The following PHACTR4 variants were observed in gnomAD, a reference collection of about 807,000 sequenced individuals.
PHACTR4 encodes protein phosphatase 1, regulatory subunit 124.
In PHACTR4, 51 loss-of-function variants were observed where a neutral mutation model predicts 72.7. The ratio of observed to expected loss-of-function variants is 0.70; its 90% CI spans 0.56 to 0.89. The LOEUF (loss-of-function observed/expected upper bound fraction) is 0.89, where lower values mean the gene tolerates loss of function less well. PHACTR4 is among the 40% of genes least tolerant of loss of function. PHACTR4 has a pLI of 0.00. For synonymous variants in PHACTR4, 255 were observed against 302.5 expected, an observed-to-expected ratio of 0.84 and a Z score of 1.63; for missense variants, 731 against 861.8, an observed-to-expected ratio of 0.85 and a Z score of 1.90.
intron 2 of PHACTR4, among the ~76,000 whole-genome samples, chr1:28,408,322 G>A (rs1264632038): frequency 6.6e-6 from 1 of 151,688 alleles, no homozygotes; most frequent in African/African-American, 2.4e-5. Context: ...CACTTTGGGA[G>A]GCTGAGATGG....
chr1:28,460,752 G>A (rs1480602818), intron 4 of PHACTR4, among the ~76,000 whole-genome samples: 1 of 151,992 alleles, frequency 6.6e-6, no homozygotes, highest in Admixed American at 6.6e-5. Context: ...CAGGTGATCC[G>A]CCCGCCTTGG....
intron 2 of PHACTR4, chr1:28,453,508 A>G (rs1658129969): frequency 1.9e-6 from 1 of 532,192 alleles, no homozygotes; most frequent in Non-Finnish European, 3.4e-6. Context: ...TTTTATAAGT[A>G]TATATACATA....
chr1:28,482,854 A>G (rs1264604477), intron 9 of PHACTR4, among the ~76,000 whole-genome samples: 2 of 151,594 alleles, frequency 1.3e-5, no homozygotes, highest in Non-Finnish European at 2.9e-5. Context: ...TAGAAGGATC[A>G]CTTGAGCCTG....
rs551018655 is a variant in PHACTR4 at position 28,414,489 on chromosome 1, C to T, written c.16+7026C>T. ...ACCTCCTGAGCTCAAACAATTCTCC[C>T]ACCTCTGCCTCCCAAGTAGCTGGGA... is the stretch of plus-strand genomic sequence containing the variant. On this transcript the variant is annotated intron_variant, in intron 2 of 13. Transcript: ENST00000373839. Among the ~76,000 whole-genome samples, 14 of 149,726 alleles carry T rather than the reference C, an allele frequency of 9.4e-5. 1 individual carries two copies. The South Asian group carries it at 2.7e-3, about 29-fold the overall frequency.
At chr1:28,370,012 C>A (rs894060891) in intron 1 of PHACTR4, among the ~76,000 whole-genome samples, 187 bp downstream of exon 1, 1 of 152,170 alleles carries the variant, frequency 6.6e-6, no homozygotes. Flanking sequence ...TCGGCCCTCC[C>A]ACAACGGTCC....
chr1:28,388,539 A>G (rs747409137), intron 1 of PHACTR4, among the ~76,000 whole-genome samples: 20 of 152,110 alleles, frequency 1.3e-4, no homozygotes, highest in Admixed American at 2.0e-4. Context: ...AATTAGATCC[A>G]TGTCTCTCAC....
chr1:28,462,536 T>C (rs1658889061), intron 4 of PHACTR4, among the ~76,000 whole-genome samples: 1 of 151,904 alleles, frequency 6.6e-6, no homozygotes, highest in Non-Finnish European at 1.5e-5. Context: ...CCCAGCTAAT[T>C]TTTGTATTTT....
At chr1:28,393,626 TA>T (rs1251489071) in intron 1 of PHACTR4, among the ~76,000 whole-genome samples, 1 of 152,190 alleles carries the variant, frequency 6.6e-6, no homozygotes, top group African/African-American at 2.4e-5. Flanking sequence ...TAAATGACTA[TA>T]TTACTGGTTT....
intron 2 of PHACTR4, among the ~76,000 whole-genome samples, chr1:28,429,901 T>C (rs1352224682): frequency 6.6e-6 from 1 of 152,030 alleles, no homozygotes; most frequent in Non-Finnish European, 1.5e-5. Context: ...AGAAAAAAAC[T>C]TTTTTTTGGT....
intron 2 of PHACTR4, 125 bp from the exon 3 acceptor site, chr1:28,458,960 G>A: frequency 2.6e-6 from 2 of 780,078 alleles, no homozygotes; most frequent in Non-Finnish European, 3.9e-6. Context: ...CTCCCTGTCT[G>A]CATGATTGTT....
At chr1:28,398,995 A>G (rs147557088) in intron 1 of PHACTR4, among the ~76,000 whole-genome samples, 1 of 152,176 alleles carries the variant, frequency 6.6e-6, no homozygotes, top group Non-Finnish European at 1.5e-5. Flanking sequence ...CAAGCTTGAG[A>G]TTTAAAGGAA....
intron 2 of PHACTR4, among the ~76,000 whole-genome samples, chr1:28,451,748 A>G (rs1657988832): frequency 1.3e-5 from 2 of 152,084 alleles, no homozygotes; most frequent in African/African-American, 2.4e-5. Context: ...AGATCAAAGG[A>G]TCCTCCTGCC....
rs1263575197 is a variant in PHACTR4 at position 28,498,840 on chromosome 1, T to C, written c.*2291T>C. On this transcript the variant is annotated 3_prime_UTR_variant, in exon 14 of 14. Transcript: ENST00000373839. ...GTTCACGCCTATAATCTCAGCACTT[T>C]GGGAAGCCAAGGCGGTCAGGAGTTT... 1.4e-5 allele frequency: 2 copies of C among 146,762 alleles called. No individual in the cohort carries two copies. The highest frequency in any genetic ancestry group is 3.0e-5 in the Non-Finnish European group (2 of 67,494). 9.1% of individuals were successfully genotyped at this position (146,762 alleles called of 1,614,324 possible).
At chr1:28,376,501 T>C (rs2124112169) in intron 1 of PHACTR4, among the ~76,000 whole-genome samples, 1 of 151,274 alleles carries the variant, frequency 6.6e-6, no homozygotes, top group South Asian at 2.1e-4. Flanking sequence ...TTTTTTTTTT[T>C]TTCTTTTAGT....
intron 2 of PHACTR4, among the ~76,000 whole-genome samples, chr1:28,446,142 A>G (rs1657451932): frequency 1.3e-5 from 2 of 152,222 alleles, no homozygotes; most frequent in Non-Finnish European, 2.9e-5. Context: ...GCTTTCTTTT[A>G]AAAAAGGAGA....
chr1:28,370,624 C>T (rs67856516), intron 1 of PHACTR4, among the ~76,000 whole-genome samples: 2 of 142,294 alleles, frequency 1.4e-5, no homozygotes, highest in South Asian at 2.2e-4. Flanking sequence ...AAAAAAAAAA[C>T]CCTCCAGTGC....
At chr1:28,475,168 C>T (rs72883971) in intron 7 of PHACTR4, among the ~76,000 whole-genome samples, 2,569 of 152,076 alleles carry the variant, frequency 0.017, 66 homozygotes, top group African/African-American at 0.057. Context: ...CCAGGCTCAC[C>T]CTGAACTCCT....
intron 1 of PHACTR4, among the ~76,000 whole-genome samples, chr1:28,389,420 A>T (rs377201907): frequency 1.3e-5 from 2 of 151,858 alleles, no homozygotes; most frequent in Admixed American, 6.6e-5. Context: ...GTTGGCAAGG[A>T]TGTGGAGAAA....
Position 28,498,272 on chromosome 1 carries a change from C to G in PHACTR4, c.*1723C>G, listed in dbSNP as rs1162626608. The stretch of plus-strand genomic sequence containing the variant: ...TCTGGAGAAGCAAGAAGGGCACAAT[C>G]ATGGCCCACTGCTCCCCTCTTCTTC... On this transcript the variant is annotated 3_prime_UTR_variant, in exon 14 of 14. Transcript: ENST00000373839. 6.6e-6 allele frequency: 1 copy of G among 152,406 alleles called. No individual in the cohort carries two copies. Among genetic ancestry groups the G allele is most frequent in the African/African-American group, 2.4e-5 (1 of 41,422 alleles). 9.4% of individuals were successfully genotyped at this position (152,406 alleles called of 1,614,324 possible).
Sources: gnomAD v4.1 joint callset for allele counts (sites outside exome capture counted in the v4.1 genomes callset) on GRCh38, gnomAD v4.1.1 for gene constraint, MANE v1.5 for transcripts, NCBI Gene and HGNC (gene_info 2026-07-23, HGNC 2026-07-21) for gene names.